The following RNF8 variants were observed in gnomAD, a reference collection of about 807,000 sequenced individuals.
RNF8 encodes E3 ubiquitin-protein ligase RNF8.
In RNF8, 8 loss-of-function variants were observed where a neutral mutation model predicts 59.3. That is an observed-to-expected ratio of 0.13 (90% CI 0.08 to 0.24). The LOEUF (loss-of-function observed/expected upper bound fraction) is 0.24. RNF8 is among the 10% of genes least tolerant of loss of function. RNF8 has a pLI of 1.00. For missense variants in RNF8, 406 were observed against 572.6 expected (o/e 0.71, Z 2.97); for synonymous variants, 162 against 200.0 (o/e 0.81, Z 1.60).
chr6:37,386,442 A>G (rs1023635355), intron 7 of RNF8, among the ~76,000 whole-genome samples: 2 of 152,134 alleles, frequency 1.3e-5, no homozygotes, highest in African/African-American at 4.8e-5. Context: ...GCACCCGGAA[A>G]AGTTTTCACA....
intron 6 of RNF8, among the ~76,000 whole-genome samples, chr6:37,378,254 A>G (rs1028914683): frequency 2.6e-5 from 4 of 152,226 alleles, no homozygotes; most frequent in African/African-American, 9.6e-5. Context: ...AGATCACGCA[A>G]CTGCACTTCA....
At chr6:37,379,079 C>T (rs549095340) in intron 6 of RNF8, among the ~76,000 whole-genome samples, 2 of 152,266 alleles carry the variant, frequency 1.3e-5, no homozygotes, top group East Asian at 1.9e-4. Context: ...TGCAGTGGCG[C>T]AATCTCGGCT....
At position 37,354,133 on chromosome 6, in the gene RNF8, C is replaced by T. The variant is rs777880639; in HGVS notation, c.-32C>T. 3.2e-6 allele frequency: 5 copies of T among 1,545,252 alleles called. No homozygotes were observed. In the East Asian group the frequency reaches 7.3e-5, roughly 23 times the overall value. ...CCAGAACCTAGGTCAGGGTCTCGCT[C>T]GGTGCTGACCGCCCCCGGGGTCGAG... On this transcript the variant is annotated 5_prime_UTR_variant, in exon 1 of 8. Coordinates refer to ENST00000373479, the MANE Select transcript of RNF8 (RefSeq NM_003958.4).
At position 37,368,464 on chromosome 6, in the gene RNF8, C is replaced by CT; in HGVS notation, c.241-17dup. The CT allele has an allele frequency of 2.5e-6, 4 of 1,614,090 alleles. No individual in the cohort carries two copies. Among genetic ancestry groups the CT allele is most frequent in the Non-Finnish European group, 3.4e-6 (4 of 1,179,978 alleles). On this transcript the variant is annotated intron_variant, in intron 2 of 7. Transcript: ENST00000373479. ...ACGAAAATCATGAAGCTTATTTCTT[C>CT]TTTCTTTCACTTTCCCCAGAGTCTA... is the stretch of plus-strand genomic sequence containing the variant.
rs114469161 is a variant in RNF8 at position 37,374,082 on chromosome 6, T to C, written c.1039-538T>C. 9.4e-3 allele frequency among the ~76,000 whole-genome samples: 1,426 copies of C among 152,342 alleles called. 27 individuals are homozygous for C. The highest frequency in any genetic ancestry group is 0.031 in the African/African-American group (1,309 of 41,572). On this transcript the variant is annotated intron_variant, in intron 4 of 7. Coordinates refer to ENST00000373479, the MANE Select transcript of RNF8 (RefSeq NM_003958.4). The stretch of plus-strand genomic sequence containing the variant: ...GGGTTCAGGCAGCATTGTCTGAGCA[T>C]GTAATATGTGATTTGTAGAACAAAT...
chr6:37,356,173 A>C (rs1200711637), intron 1 of RNF8, among the ~76,000 whole-genome samples: 1 of 152,228 alleles, frequency 6.6e-6, no homozygotes, highest in Non-Finnish European at 1.5e-5. Flanking sequence ...GGCCAGTTGC[A>C]TGGGGAGGGA....
At chr6:37,365,746 T>C (rs978160601) in intron 2 of RNF8, among the ~76,000 whole-genome samples, 1 of 152,240 alleles carries the variant, frequency 6.6e-6, no homozygotes, top group Non-Finnish European at 1.5e-5. Flanking sequence ...TTTCTGCTGC[T>C]AGCATTGTTC....
chr6:37,382,764 A>G (rs1770327547), intron 7 of RNF8, among the ~76,000 whole-genome samples: 1 of 152,124 alleles, frequency 6.6e-6, no homozygotes, highest in Non-Finnish European at 1.5e-5. Context: ...CAGATCACGA[A>G]GTCAGGAGTT....
At position 37,354,243 on chromosome 6, in the gene RNF8, G is replaced by A; in HGVS notation, c.79G>A (p.Ala27Thr). The A allele has an allele frequency of 2.5e-6, 4 of 1,568,698 alleles. No individual in the cohort carries two copies. The highest frequency in any genetic ancestry group is 3.5e-6 in the Non-Finnish European group (4 of 1,158,488). The part of the protein sequence containing the change: ...SWCLRRVGMS[A>T]GWLLLEDGCE... ...GTGCCTGCGGCGGGTGGGGATGAGC[G>A]CCGGGTGGCTGCTGCTGGAAGATGG... Residue 27 changes from alanine to threonine, a missense_variant, in exon 1 of 8, where the codon GCC (alanine) becomes ACC (threonine). By Grantham distance (58) the Ala-to-Thr change is moderately conservative (BLOSUM62 0). Around this residue, in one of 3 missense-constraint regions of RNF8, gnomAD observed 62 missense variants for 112.2 expected, o/e 0.55. Coordinates refer to ENST00000373479, the MANE Select transcript of RNF8 (RefSeq NM_003958.4).
At chr6:37,357,417 C>T (rs908301897) in intron 1 of RNF8, among the ~76,000 whole-genome samples, 1 of 152,184 alleles carries the variant, frequency 6.6e-6, no homozygotes, top group African/African-American at 2.4e-5. Context: ...AGGCACTCTT[C>T]TACTGTTTTG....
At position 37,393,710 on chromosome 6, in the gene RNF8, C is replaced by G. The variant is rs926877297; in HGVS notation, c.*2952C>G. 1 of 152,194 alleles carries G rather than the reference C, an allele frequency of 6.6e-6. No homozygotes were observed. Among genetic ancestry groups the G allele is most frequent in the Non-Finnish European group, 1.5e-5 (1 of 68,038 alleles). The allele number at this position is 152,194 out of a possible 1,614,324, so 9.4% of individuals were successfully genotyped here. A position where few individuals can be genotyped will look rare whatever the true frequency, so the allele number is the denominator to read the frequency against. ...ACTCTACCTCTAGGCATGTTTCATC[C>G]CAACAATCAGACTGTGCCAAAGCAG... On this transcript the variant is annotated 3_prime_UTR_variant, in exon 8 of 8. Coordinates refer to ENST00000373479, the MANE Select transcript of RNF8 (RefSeq NM_003958.4).
At chr6:37,357,032 C>T (rs929593876) in intron 1 of RNF8, among the ~76,000 whole-genome samples, 7 of 152,192 alleles carry the variant, frequency 4.6e-5, no homozygotes, top group African/African-American at 1.7e-4. Flanking sequence ...AGCCACCACA[C>T]CTGGCCAGAT....
rs1770779454 is a variant in RNF8 at position 37,393,429 on chromosome 6, A to C, written c.*2671A>C. The C allele has an allele frequency of 6.6e-6, 1 of 152,218 alleles. No individual in the cohort carries two copies. The highest frequency in any genetic ancestry group is 1.5e-5 in the Non-Finnish European group (1 of 68,042). The allele number at this position is 152,218 out of a possible 1,614,324, so 9.4% of individuals were successfully genotyped here. ...ATATCTGATATTAAACATCATCTGC[A>C]TTTTACTTGCCTAGAAAATACACGG... is the stretch of plus-strand genomic sequence containing the variant. On this transcript the variant is annotated 3_prime_UTR_variant, in exon 8 of 8. Transcript: ENST00000373479.
In RNF8 at chr6:37,381,241, A is replaced by T; in HGVS notation, c.1328A>T (p.Asp443Val). 1 of 1,614,154 alleles carries T rather than the reference A, an allele frequency of 6.2e-7. No homozygotes were observed. The highest frequency in any genetic ancestry group is 8.5e-7 in the Non-Finnish European group (1 of 1,179,990). Residue 443 changes from aspartate (D) to valine (V), a missense_variant, in exon 7 of 8, where the codon GAC (aspartate) becomes GTC (valine). Transcript: ENST00000373479. ...RKIECPICRK[D>V]IKSKTYSLVL... is the part of the protein sequence containing the mutation. ...ATAGAATGCCCCATTTGTCGGAAGG[A>T]CATTAAGTCCAAAACGTACTCTTTG...
chr6:37,382,280 G>A (rs2269053), intron 7 of RNF8, among the ~76,000 whole-genome samples: 11,200 of 152,186 alleles, frequency 0.074, 460 homozygotes, highest in East Asian at 0.13. Flanking sequence ...GGAGGTGCAG[G>A]TATGGGAAAA....
intron 1 of RNF8, among the ~76,000 whole-genome samples, chr6:37,358,921 A>AC (rs1423440585): frequency 1.3e-5 from 2 of 151,968 alleles, no homozygotes; most frequent in Admixed American, 1.3e-4. Flanking sequence ...ACATGGTGAA[A>AC]CCCCGTCTCT....
intron 7 of RNF8, among the ~76,000 whole-genome samples, chr6:37,383,950 C>T (rs534964716): frequency 3.0e-4 from 46 of 152,026 alleles, no homozygotes; most frequent in Non-Finnish European, 2.5e-4. Context: ...TGTTCTCATT[C>T]GATGTTAGTT....
chr6:37,368,700 A>G lies in RNF8; in HGVS notation c.457A>G (p.Lys153Glu). The G allele has an allele frequency of 6.2e-7, 1 of 1,614,096 alleles. No individual in the cohort carries two copies. Among genetic ancestry groups the G allele is most frequent in the Non-Finnish European group, 8.5e-7 (1 of 1,180,016 alleles). Residue 153 changes from lysine (K) to glutamate (E), a missense_variant, in exon 3 of 8, where the codon AAA becomes GAA. Around this residue, in one of 3 missense-constraint regions of RNF8, gnomAD observed 285 missense variants for 342.0 expected, o/e 0.83. Coordinates refer to ENST00000373479, the MANE Select transcript of RNF8 (RefSeq NM_003958.4). ...MIEKNKELRT[K>E]RKFSLDELAG... ...AGAAAAAAATAAGGAATTGAGAACT[A>G]AAAGGAAATTCAGTTTGGATGAATT...
intron 7 of RNF8, among the ~76,000 whole-genome samples, chr6:37,384,572 G>C (rs1277789219): frequency 1.3e-5 from 2 of 152,194 alleles, no homozygotes; most frequent in Admixed American, 1.3e-4. Context: ...CCAGAGGTTG[G>C]GGGTGTCTGG....
Sources: gnomAD v4.1 joint callset for allele counts (sites outside exome capture counted in the v4.1 genomes callset) on GRCh38, gnomAD v4.1.1 for gene constraint, gnomAD v4.1.1 regional missense constraint, MANE v1.5 for transcripts, NCBI Gene and HGNC (gene_info 2026-07-23, HGNC 2026-07-21) for gene names.